THAP4: variants seen among roughly 807,000 people sequenced by gnomAD.
The protein encoded by THAP4 is THAP domain containing 4, also known as peroxynitrite isomerase THAP4.
A neutral mutation model predicts 48.1 loss-of-function variants in THAP4; 18 were observed. The ratio of observed to expected loss-of-function variants is 0.37; its 90% CI spans 0.26 to 0.56. THAP4 has a LOEUF of 0.56. THAP4 is among the 20% of genes least tolerant of loss of function. The pLI is 0.78. For missense variants in THAP4, 656 were observed against 774.9 expected (o/e 0.85, Z 1.82); for synonymous variants, 345 against 324.9 (o/e 1.06, Z -0.66).
chr2:241,601,404 A>C lies in THAP4; in HGVS notation c.1614+492T>G, dbSNP rs1299075749. 6.6e-6 allele frequency among the ~76,000 whole-genome samples: 1 copy of C among 152,206 alleles called. No homozygotes were observed. Among genetic ancestry groups the C allele is most frequent in the African/African-American group, 2.4e-5 (1 of 41,458 alleles). The stretch of plus-strand genomic sequence containing the variant: ...GCTTCTAAGTTAGATTCAAAACATG[A>C]GTGAGATTTCATCTTTTATTTCTCA... On this transcript the variant is annotated intron_variant, in intron 5 of 5. Coordinates refer to ENST00000407315, the MANE Select transcript of THAP4 (RefSeq NM_015963.6). The surrounding 1 kb of genome is among the most constrained non-coding windows in gnomAD (Gnocchi z 4.0).
chr2:241,621,271 C>T (rs1167921286), intron 2 of THAP4, among the ~76,000 whole-genome samples: 1 of 152,054 alleles, frequency 6.6e-6, no homozygotes, highest in African/African-American at 2.4e-5. Context: ...TTGCTTGAGC[C>T]CAGGAAGCAG....
intron 1 of THAP4, among the ~76,000 whole-genome samples, chr2:241,634,308 A>T (rs1263422091): frequency 6.6e-6 from 1 of 152,240 alleles, no homozygotes; most frequent in Non-Finnish European, 1.5e-5. Context: ...TATAGTCTGT[A>T]GGGCGGATGG....
chr2:241,602,065 T>C, intron 4 of THAP4, 66 bp from the exon 5 acceptor site: 1 of 1,528,512 alleles, frequency 6.5e-7, no homozygotes, highest in South Asian at 1.2e-5. Flanking sequence ...GCCTTGACTC[T>C]CCTTGCCTGC....
At chr2:241,617,435 C>G in intron 2 of THAP4, 1 of 1,551,474 alleles carries the variant, frequency 6.4e-7, no homozygotes. Flanking sequence ...TTCTAAACTC[C>G]GGACACTCGT....
chr2:241,606,430 C>T lies in THAP4; in HGVS notation c.1284G>A (p.Met428Ile), dbSNP rs1426213224. The T allele has an allele frequency of 1.9e-6, 3 of 1,608,556 alleles. No individual in the cohort carries two copies. Among genetic ancestry groups the T allele is most frequent in the Non-Finnish European group, 2.5e-6 (3 of 1,177,548 alleles). ...MNPVVEPLSW[M>I]LGTWLSDPPG... ...GTGGGTCCGACAGCCAGGTGCCCAG[C>T]ATCCAGGACAGTGGCTCCACCACTG... Residue 428 changes from methionine (M) to isoleucine (I), a missense_variant, in exon 3 of 6, where the codon ATG becomes ATA. Around this residue, in one of 4 missense-constraint regions of THAP4, gnomAD observed 176 missense variants for 256.7 expected, o/e 0.69. Transcript: ENST00000407315.
rs1175852721 is a variant in THAP4, at chr2:241,585,912, C to CAAAAA, written c.1615-1192_1615-1188dup. 2.2e-3 allele frequency among the ~76,000 whole-genome samples: 61 copies of CAAAAA among 28,236 alleles called. 1 individual carries two copies. Among genetic ancestry groups the CAAAAA allele is most frequent in the Non-Finnish European group, 3.6e-3 (50 of 13,782 alleles). The allele number at this position is 28,236 out of a possible 152,430, so 18.5% of individuals were successfully genotyped here. A position where few individuals can be genotyped will look rare whatever the true frequency, so the allele number is the denominator to read the frequency against. ...TGGGTGACAGAGCAAGACTCCTTCT[C>CAAAAA]AAAAAAAAAAAAAAAAAGAAAAAAA... On this transcript the variant is annotated intron_variant, in intron 5 of 5. Coordinates refer to ENST00000407315, the MANE Select transcript of THAP4 (RefSeq NM_015963.6).
At chr2:241,622,943 C>T (rs2067450622) in intron 2 of THAP4, among the ~76,000 whole-genome samples, 1 of 152,130 alleles carries the variant, frequency 6.6e-6, no homozygotes, top group African/African-American at 2.4e-5. Flanking sequence ...TGAGGCCAGG[C>T]ACGGTGGCTC....
At chr2:241,627,848 T>C (rs2067512848) in intron 2 of THAP4, among the ~76,000 whole-genome samples, 1 of 152,150 alleles carries the variant, frequency 6.6e-6, no homozygotes, top group South Asian at 2.1e-4. Context: ...GGCCTCACCT[T>C]TGGAGGGGCA....
chr2:241,637,423 G>A, upstream of THAP4: 1 of 1,461,716 alleles, frequency 6.8e-7, no homozygotes, highest in South Asian at 1.3e-5. Context: ...ACTGCTCCTG[G>A]GTCCTCTAAG....
At chr2:241,623,604 AG>A (rs953957838) in intron 2 of THAP4, among the ~76,000 whole-genome samples, 6 of 150,156 alleles carry the variant, frequency 4.0e-5, no homozygotes, top group Non-Finnish European at 5.9e-5. Context: ...AAAAAAAAAA[AG>A]AGAGAAGGTA....
chr2:241,609,678 T>C (rs931125273), intron 2 of THAP4, among the ~76,000 whole-genome samples: 6 of 151,906 alleles, frequency 3.9e-5, no homozygotes, highest in Non-Finnish European at 8.8e-5. Context: ...TCCCAGTTAC[T>C]CGGGAGGCTG....
At chr2:241,589,066 A>C (rs2066925136) in intron 5 of THAP4, among the ~76,000 whole-genome samples, 1 of 152,112 alleles carries the variant, frequency 6.6e-6, no homozygotes, top group African/African-American at 2.4e-5. Flanking sequence ...ACAAAAAATT[A>C]GCCGGCCATG....
chr2:241,631,425 G>A (rs1052589472), intron 2 of THAP4, among the ~76,000 whole-genome samples: 4 of 152,076 alleles, frequency 2.6e-5, no homozygotes, highest in African/African-American at 9.7e-5. Flanking sequence ...AGTAAAATAT[G>A]GGAAAAAACA....
intron 1 of THAP4, among the ~76,000 whole-genome samples, chr2:241,635,681 A>G (rs2067630925): frequency 6.6e-6 from 1 of 152,058 alleles, no homozygotes; most frequent in African/African-American, 2.4e-5. Flanking sequence ...GAAGCAGGAG[A>G]ATAGCTTGAA....
chr2:241,593,634 G>T (rs552017207), intron 5 of THAP4, among the ~76,000 whole-genome samples: 1 of 152,224 alleles, frequency 6.6e-6, no homozygotes, highest in Non-Finnish European at 1.5e-5. Flanking sequence ...CGTGGATGAA[G>T]GCTGAAAACA....
rs1050514307 is a variant in THAP4, at chr2:241,601,595, G to A, written c.1614+301C>T. Among the ~76,000 whole-genome samples the A allele has an allele frequency of 1.3e-5, 2 of 152,014 alleles. No individual in the cohort carries two copies. Among genetic ancestry groups the A allele is most frequent in the Non-Finnish European group, 1.5e-5 (1 of 68,000 alleles). ...TCCTTTGATCCAGCAATTTAACTGG[G>A]AAAAATTTATCAATAGATATGGATA... On this transcript the variant is annotated intron_variant, in intron 5 of 5. Transcript: ENST00000407315. This position sits in a 1 kb window ranked among gnomAD's most constrained non-coding sequence, Gnocchi z 4.0.
intron 2 of THAP4, among the ~76,000 whole-genome samples, chr2:241,618,521 T>G (rs923943847): frequency 1.3e-5 from 2 of 152,144 alleles, no homozygotes; most frequent in African/African-American, 2.4e-5. Flanking sequence ...TGTAAAGAGC[T>G]TAGGAGTCAT....
intron 5 of THAP4, among the ~76,000 whole-genome samples, chr2:241,590,571 TGATGAG>T (rs1559216486): frequency 1.8e-3 from 140 of 79,628 alleles, no homozygotes; most frequent in East Asian, 6.0e-3. Context: ...GCCCGGCTGA[TGATGAG>T]GGGCACTAGG....
intron 3 of THAP4, among the ~76,000 whole-genome samples, chr2:241,606,046 T>C (rs992042071): frequency 2.0e-5 from 3 of 152,252 alleles, no homozygotes; most frequent in African/African-American, 7.2e-5. Flanking sequence ...ATTAAGTACA[T>C]GCATTTGTTT....
Sources: allele counts gnomAD v4.1 joint callset (sites outside exome capture counted in the v4.1 genomes callset), GRCh38; gene constraint gnomAD v4.1.1; regional missense constraint gnomAD v4.1.1; non-coding constraint Gnocchi (gnomAD v3.1); transcripts MANE v1.5; gene names NCBI Gene and HGNC (gene_info 2026-07-23, HGNC 2026-07-21).